ACSM3: variants seen among roughly 807,000 people sequenced by gnomAD.
ACSM3 encodes the protein acyl-coenzyme A synthetase ACSM3, mitochondrial.
A neutral mutation model predicts 74.1 loss-of-function variants in ACSM3; 61 were observed. That is an observed-to-expected ratio of 0.82 (90% CI 0.67 to 1.02). The LOEUF (loss-of-function observed/expected upper bound fraction) is 1.02. Among genes scored for constraint, ACSM3 ranks in the 50% least tolerant of loss-of-function variants. ACSM3 has a pLI of 0.00. For missense variants in ACSM3, 660 were observed against 697.0 expected, an observed-to-expected ratio of 0.95 and a Z score of 0.60; for synonymous variants, 213 against 241.5, an observed-to-expected ratio of 0.88 and a Z score of 1.09.
At chr16:20,796,675 G>A in intron 13 of ACSM3, 186 bp downstream of exon 13, 2 of 1,475,306 alleles carry the variant, frequency 1.4e-6, no homozygotes, top group African/African-American at 1.4e-5. Context: ...ATTTTGTTTG[G>A]TCCTTTGGCT....
At chr16:20,727,143 G>A (rs1007763777) in intron 1 of ACSM3, among the ~76,000 whole-genome samples, 30 of 152,168 alleles carry the variant, frequency 2.0e-4, no homozygotes, top group Admixed American at 3.9e-4. Context: ...AGAAATTTTT[G>A]TTATAATCAC....
chr16:20,744,731 G>A (rs558479007), intron 1 of ACSM3, among the ~76,000 whole-genome samples: 3 of 152,246 alleles, frequency 2.0e-5, no homozygotes, highest in African/African-American at 7.2e-5. Flanking sequence ...CTATTGGGCT[G>A]TTTCTGTACC....
intron 1 of ACSM3, chr16:20,741,481 G>GGGGGGGGCCCCCCCCCCCCCCCC: frequency 7.6e-7 from 1 of 1,308,412 alleles, no homozygotes; most frequent in Non-Finnish European, 9.9e-7. Flanking sequence ...CTGGCAGCCG[G>GGGGGGGGCCCCCCCCCCCCCCCC]CCCGCCCGCC....
chr16:20,755,381 C>T (rs2080021015), intron 2 of ACSM3, among the ~76,000 whole-genome samples: 2 of 151,536 alleles, frequency 1.3e-5, no homozygotes, highest in Non-Finnish European at 2.9e-5. Flanking sequence ...TTTAAAGTAG[C>T]CTTGATAAAA....
intron 12 of ACSM3, among the ~76,000 whole-genome samples, chr16:20,793,212 T>C (rs544472099): frequency 6.6e-6 from 1 of 152,306 alleles, no homozygotes; most frequent in African/African-American, 2.4e-5. Context: ...CTCACACCTG[T>C]AATCCTAGCA....
At chr16:20,688,565 G>A (rs1324436936) in intron 1 of ACSM3, among the ~76,000 whole-genome samples, 1 of 152,046 alleles carries the variant, frequency 6.6e-6, no homozygotes, top group East Asian at 1.9e-4. Flanking sequence ...TTCTCAATAA[G>A]ATTATCAGTG....
chr16:20,738,145 T>C (rs1209597821), intron 1 of ACSM3: 7 of 678,516 alleles, frequency 1.0e-5, no homozygotes, highest in Non-Finnish European at 1.1e-5. Context: ...ATAATGTATC[T>C]AATATATTTT....
At chr16:20,771,871 C>G (rs2080198028) in intron 2 of ACSM3, among the ~76,000 whole-genome samples, 1 of 152,162 alleles carries the variant, frequency 6.6e-6, no homozygotes, top group Non-Finnish European at 1.5e-5. Context: ...TCAGAGTTCC[C>G]TTTTCTCCAC....
At chr16:20,685,901 A>C (rs142440866) in intron 1 of ACSM3, among the ~76,000 whole-genome samples, 15 of 150,760 alleles carry the variant, frequency 9.9e-5, no homozygotes, top group African/African-American at 3.6e-4. Context: ...CTTCTGGCCT[A>C]CTGTAGCCAC....
rs1400261054 is a variant in ACSM3, at chr16:20,782,223, G to GTTTTGT, written c.1019+452_1019+457dup. Among the ~76,000 whole-genome samples the GTTTTGT allele has an allele frequency of 3.3e-5, 5 of 152,256 alleles. No individual in the cohort carries two copies. The East Asian group carries it at 9.6e-4, about 29-fold the overall frequency. ...AGAAAAACAACCCCCGTTTCTCTTT[G>GTTTTGT]TTTTGTTTTTGTTTTTGTTTTGTTT... On this transcript the variant is annotated intron_variant, in intron 7 of 13. Coordinates refer to ENST00000289416, the MANE Select transcript of ACSM3 (RefSeq NM_005622.4).
intron 1 of ACSM3, among the ~76,000 whole-genome samples, chr16:20,677,191 T>A (rs2020338809): frequency 6.8e-6 from 1 of 147,672 alleles, no homozygotes. Flanking sequence ...GCCCCTCCTC[T>A]AGGAGGCTAA....
chr16:20,694,505 A>G (rs950151344), intron 1 of ACSM3, among the ~76,000 whole-genome samples: 2 of 152,228 alleles, frequency 1.3e-5, no homozygotes, highest in African/African-American at 2.4e-5. Context: ...TTCCACAGGC[A>G]TGAGCTTAGT....
At chr16:20,683,754 G>A (rs1232019736) in intron 1 of ACSM3, among the ~76,000 whole-genome samples, 1 of 97,602 alleles carries the variant, frequency 1.0e-5, no homozygotes, top group Non-Finnish European at 2.3e-5. Flanking sequence ...TATTTTAGTA[G>A]AGATGGGGTT....
intron 13 of ACSM3, 95 bp downstream of exon 13, chr16:20,796,584 C>T: frequency 6.4e-7 from 1 of 1,572,776 alleles, no homozygotes. Context: ...TTCACACATG[C>T]TGCACCACAT....
At chr16:20,742,079 G>C (rs1331285585) in intron 1 of ACSM3, 1 of 1,321,186 alleles carries the variant, frequency 7.6e-7, no homozygotes, top group Non-Finnish European at 9.8e-7. Flanking sequence ...CTTGGTACCT[G>C]TTCCTCCAGC....
intron 1 of ACSM3, chr16:20,741,478 C>CTGGGGGG: frequency 7.5e-7 from 1 of 1,336,932 alleles, no homozygotes; most frequent in East Asian, 3.1e-5. Context: ...GGCCTGGCAG[C>CTGGGGGG]CGGCCCGCCC....
intron 2 of ACSM3, among the ~76,000 whole-genome samples, chr16:20,750,635 A>G (rs2079982205): frequency 6.6e-6 from 1 of 152,188 alleles, no homozygotes. Context: ...ATCAGACTTA[A>G]GCCTCTGAGC....
intron 1 of ACSM3, among the ~76,000 whole-genome samples, chr16:20,739,238 C>T (rs1282260051): frequency 2.0e-5 from 3 of 150,978 alleles, no homozygotes; most frequent in Non-Finnish European, 4.4e-5. Flanking sequence ...TGCAGTGGTG[C>T]GATCTTGACT....
chr16:20,685,585 G>A (rs529576504), intron 1 of ACSM3, among the ~76,000 whole-genome samples: 1 of 152,130 alleles, frequency 6.6e-6, no homozygotes, highest in Non-Finnish European at 1.5e-5. Context: ...ACTTTAGGAG[G>A]TGGAGGCAGG....
Sources: gnomAD v4.1 joint callset for allele counts (sites outside exome capture counted in the v4.1 genomes callset) on GRCh38, gnomAD v4.1.1 for gene constraint, MANE v1.5 for transcripts, NCBI Gene and HGNC (gene_info 2026-07-23, HGNC 2026-07-21) for gene names.